The following SKAP1 variants were observed in gnomAD, a reference collection of about 807,000 sequenced individuals.
SKAP1 encodes src kinase-associated phosphoprotein 1.
A neutral mutation model predicts 58.5 loss-of-function variants in SKAP1; 44 were observed. The ratio of observed to expected loss-of-function variants is 0.75; its 90% confidence interval spans 0.59 to 0.97. The LOEUF is 0.97. Among genes scored for constraint, SKAP1 ranks in the 50% least tolerant of loss-of-function variants. The pLI, the probability that SKAP1 is intolerant of heterozygous loss-of-function variation, is 0.00. For missense variants in SKAP1, 390 were observed against 435.2 expected, an observed-to-expected ratio of 0.90 and a Z score of 0.92; for synonymous variants, 127 against 149.7, an observed-to-expected ratio of 0.85 and a Z score of 1.11.
At chr17:48,247,644 C>A (rs528468922) in intron 4 of SKAP1, among the ~76,000 whole-genome samples, 1 of 152,124 alleles carries the variant, frequency 6.6e-6, no homozygotes, top group African/African-American at 2.4e-5. Flanking sequence ...AATACATACA[C>A]CACCTTTAAT....
intron 4 of SKAP1, among the ~76,000 whole-genome samples, chr17:48,339,947 C>A (rs899747339): frequency 3.3e-5 from 5 of 152,062 alleles, no homozygotes; most frequent in African/African-American, 1.2e-4. Context: ...CTTTGGGAGG[C>A]TGAGGCGGGT....
chr17:48,191,200 A>G (rs1175346953), intron 4 of SKAP1, among the ~76,000 whole-genome samples: 1 of 152,214 alleles, frequency 6.6e-6, no homozygotes, highest in East Asian at 1.9e-4. Context: ...AGGGAGGGAC[A>G]AAGGATGGAG....
chr17:48,402,771 G>A (rs2067516023), intron 1 of SKAP1, among the ~76,000 whole-genome samples: 1 of 152,162 alleles, frequency 6.6e-6, no homozygotes, highest in South Asian at 2.1e-4. Context: ...GCTACAACAT[G>A]GATGAATCTT....
At chr17:48,437,885 G>A in the SKAP1 span, among the ~76,000 whole-genome samples, 5 of 151,634 alleles carry the variant, frequency 3.3e-5, no homozygotes, top group Non-Finnish European at 2.9e-5. Flanking sequence ...TTACCTCCTC[G>A]CAGTGGCTTT....
intron 4 of SKAP1, among the ~76,000 whole-genome samples, chr17:48,214,597 C>G (rs920041761): frequency 1.3e-5 from 2 of 148,548 alleles, no homozygotes; most frequent in Non-Finnish European, 3.0e-5. Context: ...TTAAGAGAAG[C>G]TGAACTTTCT....
intron 1 of SKAP1, among the ~76,000 whole-genome samples, chr17:48,424,135 C>A (rs1359905192): frequency 6.6e-6 from 1 of 151,982 alleles, no homozygotes. Flanking sequence ...TCAGTCTCTG[C>A]TGAGGGCCTG....
intron 1 of SKAP1, among the ~76,000 whole-genome samples, chr17:48,399,762 CAA>C (rs71141990): frequency 3.7e-5 from 5 of 134,236 alleles, no homozygotes; most frequent in East Asian, 2.2e-4. Flanking sequence ...ACTCTTGTCT[CAA>C]AAAAAAAAAA....
At chr17:48,403,808 C>T (rs901724866) in intron 1 of SKAP1, among the ~76,000 whole-genome samples, 6 of 152,124 alleles carry the variant, frequency 3.9e-5, no homozygotes, top group South Asian at 2.1e-4. Context: ...AGATCACAGC[C>T]GGGCACAGTG....
chr17:48,341,156 G>C (rs1008908096), intron 4 of SKAP1, among the ~76,000 whole-genome samples: 2 of 152,104 alleles, frequency 1.3e-5, no homozygotes, highest in African/African-American at 4.8e-5. Flanking sequence ...ACTTAGTAAA[G>C]AATAGTAAAC....
chr17:48,335,096 T>C (rs1280096481), intron 4 of SKAP1, among the ~76,000 whole-genome samples: 1 of 151,840 alleles, frequency 6.6e-6, no homozygotes, highest in African/African-American at 2.4e-5. Flanking sequence ...TTACAATTCC[T>C]CAATTAGTAT....
At chr17:48,260,561 A>G (rs549941349) in intron 4 of SKAP1, among the ~76,000 whole-genome samples, 1 of 152,300 alleles carries the variant, frequency 6.6e-6, no homozygotes, top group South Asian at 2.1e-4. Context: ...TTATCGGTTC[A>G]ATTTAATTGA....
intron 2 of SKAP1, among the ~76,000 whole-genome samples, chr17:48,366,086 G>C (rs2066997666): frequency 6.6e-6 from 1 of 152,164 alleles, no homozygotes; most frequent in African/African-American, 2.4e-5. Flanking sequence ...AAAGGTGATA[G>C]GTGATAATGG....
chr17:48,429,842 T>A (rs2067895529), intron 1 of SKAP1, among the ~76,000 whole-genome samples: 1 of 152,000 alleles, frequency 6.6e-6, no homozygotes, highest in Non-Finnish European at 1.5e-5. Flanking sequence ...GGAGGTGAAG[T>A]GGAGGCGTGG....
chr17:48,325,382 GCTC>G (rs1364471096), intron 4 of SKAP1, among the ~76,000 whole-genome samples: 2 of 150,722 alleles, frequency 1.3e-5, no homozygotes, highest in Non-Finnish European at 2.9e-5. Context: ...GACCATTTAT[GCTC>G]CTCATTTTTG....
At chr17:48,193,113 C>G (rs1215014035) in intron 4 of SKAP1, among the ~76,000 whole-genome samples, 1 of 152,164 alleles carries the variant, frequency 6.6e-6, no homozygotes, top group Non-Finnish European at 1.5e-5. Context: ...GTGATCTCAG[C>G]TCACTGCAAC....
chr17:48,421,789 AAAAC>A lies in SKAP1; in HGVS notation c.46+8282_46+8285del, dbSNP rs1440497597. Among the ~76,000 whole-genome samples the A allele has an allele frequency of 7.2e-5, 11 of 152,368 alleles. No homozygotes were observed. The East Asian group carries it at 2.1e-3, about 29-fold the overall frequency. On this transcript the variant is annotated intron_variant, in intron 1 of 12. Coordinates refer to ENST00000336915, the MANE Select transcript of SKAP1 (RefSeq NM_003726.4). ...TGCCTGGGAATCTATAAGAATATAG[AAAAC>A]TCAGAGAACTGCAGGCTAGGTGACA...
intron 4 of SKAP1, among the ~76,000 whole-genome samples, chr17:48,255,302 C>T (rs1335407792): frequency 6.6e-6 from 1 of 151,828 alleles, no homozygotes. Context: ...TAAAGGTGAC[C>T]TCCACTACTT....
At chr17:48,173,406 CAG>C (rs2143395000) in intron 9 of SKAP1, among the ~76,000 whole-genome samples, 1 of 152,294 alleles carries the variant, frequency 6.6e-6, no homozygotes, top group Admixed American at 6.5e-5. Context: ...ATATAGGAAA[CAG>C]ATCATGCTGA....
the SKAP1 span, among the ~76,000 whole-genome samples, chr17:48,439,315 G>A: frequency 2.0e-5 from 3 of 152,284 alleles, no homozygotes; most frequent in East Asian, 5.8e-4. Context: ...CATCACTGAG[G>A]CCATCCACTT....
Sources: gnomAD v4.1 joint callset for allele counts (sites outside exome capture counted in the v4.1 genomes callset) on GRCh38, gnomAD v4.1.1 for gene constraint, MANE v1.5 for transcripts, NCBI Gene and HGNC (gene_info 2026-07-23, HGNC 2026-07-21) for gene names.